DENND1B: variants seen among roughly 807,000 people sequenced by gnomAD.
The protein encoded by DENND1B is DENN domain-containing protein 1B.
DENND1B carries 59 observed loss-of-function variants against 90.1 expected under a neutral mutation model. That is an observed-to-expected ratio of 0.65 (90% CI 0.53 to 0.81). The LOEUF (loss-of-function observed/expected upper bound fraction) is 0.81, where lower values mean the gene tolerates loss of function less well. DENND1B is among the 40% of genes least tolerant of loss of function. DENND1B has a pLI of 0.00. For synonymous variants in DENND1B, 337 were observed against 324.6 expected, an observed-to-expected ratio of 1.04 and a Z score of -0.41; for missense variants, 862 against 912.6, an observed-to-expected ratio of 0.94 and a Z score of 0.71.
chr1:197,749,384 G>GA (rs1189059218), intron 2 of DENND1B, among the ~76,000 whole-genome samples: 1 of 150,740 alleles, frequency 6.6e-6, no homozygotes, highest in Non-Finnish European at 1.5e-5. Flanking sequence ...AATAAAAAGG[G>GA]AAAACCTTAA....
chr1:197,555,507 C>T (rs2125691649), intron 15 of DENND1B, among the ~76,000 whole-genome samples: 1 of 151,930 alleles, frequency 6.6e-6, no homozygotes, highest in Non-Finnish European at 1.5e-5. Flanking sequence ...CTTAAACCAA[C>T]AAGAAAAAAA....
chr1:197,658,749 T>C (rs931327809), intron 5 of DENND1B, among the ~76,000 whole-genome samples: 7 of 151,314 alleles, frequency 4.6e-5, no homozygotes, highest in Admixed American at 2.0e-4. Context: ...CTCCTTTTAA[T>C]ATGTTACTGG....
intron 11 of DENND1B, among the ~76,000 whole-genome samples, chr1:197,614,031 CTTT>C (rs34399290): frequency 2.9e-5 from 4 of 137,058 alleles, no homozygotes; most frequent in African/African-American, 5.2e-5. Flanking sequence ...TCTAGGAAAA[CTTT>C]TTTTTTTTTT....
intron 5 of DENND1B, among the ~76,000 whole-genome samples, chr1:197,660,267 T>C (rs1009534578): frequency 2.0e-5 from 3 of 152,012 alleles, no homozygotes; most frequent in Admixed American, 6.6e-5. Flanking sequence ...CAAACCACCA[T>C]GGCATGTGTA....
chr1:197,570,999 T>C (rs943544596), intron 15 of DENND1B, among the ~76,000 whole-genome samples: 1 of 152,170 alleles, frequency 6.6e-6, no homozygotes, highest in African/African-American at 2.4e-5. Context: ...TAAAAAGACA[T>C]ATATGAACAT....
intron 3 of DENND1B, among the ~76,000 whole-genome samples, chr1:197,696,380 A>T (rs1658435351): frequency 6.6e-6 from 1 of 151,510 alleles, no homozygotes; most frequent in East Asian, 1.9e-4. Flanking sequence ...CTTTTCTAAA[A>T]GCATTTCTTA....
rs1286945878 is a variant in DENND1B at position 197,690,170 on chromosome 1, T to A, written c.127-16001A>T. The A allele has an allele frequency of 8.4e-5, 24 of 286,746 alleles. No individual in the cohort carries two copies. In the East Asian group the frequency reaches 2.3e-3, roughly 27 times the overall value. 17.8% of individuals were successfully genotyped at this position (286,746 alleles called of 1,614,324 possible). A position where few individuals can be genotyped will look rare whatever the true frequency, so the allele number is the denominator to read the frequency against. ...AAAAAGCTTTGAGTGAAGCTCTTCC[T>A]AAGGATAATGTGGGCTTCGATGTCA... On this transcript the variant is annotated intron_variant, in intron 3 of 22. Transcript: ENST00000620048.
In DENND1B at chr1:197,603,950, C is replaced by A. The variant is rs149239729; in HGVS notation, c.921+3123G>T. 6.9e-4 allele frequency among the ~76,000 whole-genome samples: 105 copies of A among 151,324 alleles called. No homozygotes were observed. The East Asian group carries it at 0.02, about 29-fold the overall frequency. ...TCTTTTTCTCACCCTTATAAACATA[C>A]TACAATAACACTAACTGTGATTGAT... On this transcript the variant is annotated intron_variant, in intron 13 of 22. Transcript: ENST00000620048.
At chr1:197,679,166 T>C (rs575966122) in intron 3 of DENND1B, among the ~76,000 whole-genome samples, 14 of 151,870 alleles carry the variant, frequency 9.2e-5, no homozygotes, top group Admixed American at 2.6e-4. Flanking sequence ...TGTTATAAAA[T>C]ATAAATTTCA....
chr1:197,589,058 T>C (rs980683827), intron 14 of DENND1B, among the ~76,000 whole-genome samples: 7 of 152,128 alleles, frequency 4.6e-5, no homozygotes, highest in Non-Finnish European at 8.8e-5. Context: ...AAATTAGACA[T>C]TGCTGTTTCT....
At chr1:197,541,554 C>G (rs549350494) in intron 18 of DENND1B, among the ~76,000 whole-genome samples, 1 of 152,290 alleles carries the variant, frequency 6.6e-6, no homozygotes, top group South Asian at 2.1e-4. Flanking sequence ...TCATGTTTCA[C>G]AGGGAACCTG....
At chr1:197,583,348 C>T (rs1184207237) in intron 14 of DENND1B, 95 bp from the exon 15 acceptor site, 3 of 1,156,736 alleles carry the variant, frequency 2.6e-6, no homozygotes, top group East Asian at 2.4e-5. Context: ...ATAGAGGAAG[C>T]GTAAGGTGCA....
chr1:197,716,610 AT>A lies in DENND1B; in HGVS notation c.83-1537del, dbSNP rs1346267218. On this transcript the variant is annotated intron_variant, in intron 2 of 22. Transcript: ENST00000620048. ...TTTGAATCTCATAAAACAAAGGCAT[AT>A]GACAGAGTTTTCATAAAATATTAAA... Among the ~76,000 whole-genome samples, 5 of 151,920 alleles carry A rather than the reference AT, an allele frequency of 3.3e-5. No homozygotes were observed. The East Asian group carries it at 9.6e-4, about 29-fold the overall frequency.
chr1:197,770,651 T>TAC (rs1411842068), intron 2 of DENND1B, among the ~76,000 whole-genome samples: 1 of 99,186 alleles, frequency 1.0e-5, no homozygotes, highest in Middle Eastern at 5.0e-3. Flanking sequence ...TCTATAAATA[T>TAC]ATATCTATAA....
chr1:197,534,597 A>T lies in DENND1B; in HGVS notation c.1515+5367T>A, dbSNP rs559491728. Among the ~76,000 whole-genome samples the T allele has an allele frequency of 7.2e-5, 11 of 152,318 alleles. No individual in the cohort carries two copies. In the South Asian group the frequency reaches 1.9e-3, roughly 26 times the overall value. ...TCTCTTCTTTTTGGCTGTGCAGGGA[A>T]TAGGCCTTAACAGCTTCTTAACTAC... On this transcript the variant is annotated intron_variant, in intron 20 of 22. Transcript: ENST00000620048.
intron 6 of DENND1B, among the ~76,000 whole-genome samples, chr1:197,657,338 T>A (rs1653946396): frequency 4.6e-5 from 7 of 152,142 alleles, no homozygotes; most frequent in Non-Finnish European, 8.8e-5. Flanking sequence ...AACAAGTACT[T>A]CTCTAGAGAC....
At chr1:197,688,215 A>G (rs1403650661) in intron 3 of DENND1B, among the ~76,000 whole-genome samples, 1 of 152,128 alleles carries the variant, frequency 6.6e-6, no homozygotes, top group East Asian at 1.9e-4. Flanking sequence ...GAATTGGAAG[A>G]CTTCAACATC....
chr1:197,735,596 A>G (rs778936178), intron 2 of DENND1B: 2 of 1,614,158 alleles, frequency 1.2e-6, no homozygotes, highest in African/African-American at 1.3e-5. Context: ...TCGAAAATAC[A>G]GGTTGGGGCC....
intron 2 of DENND1B, among the ~76,000 whole-genome samples, chr1:197,721,187 A>G (rs929224348): frequency 6.7e-6 from 1 of 148,760 alleles, no homozygotes; most frequent in Non-Finnish European, 1.5e-5. Context: ...CTCCTGCCTC[A>G]GTCTCCTGAG....
Sources: gnomAD v4.1 joint callset for allele counts (sites outside exome capture counted in the v4.1 genomes callset) on GRCh38, gnomAD v4.1.1 for gene constraint, MANE v1.5 for transcripts, NCBI Gene and HGNC (gene_info 2026-07-23, HGNC 2026-07-21) for gene names.